The following CTNNA2 variants were observed in gnomAD, a reference collection of about 807,000 sequenced individuals.
CTNNA2 encodes catenin alpha-2.
CTNNA2 carries 42 observed loss-of-function variants against 101.0 expected under a neutral mutation model. The observed-to-expected ratio is 0.42, with a 90% CI of 0.32 to 0.54. The LOEUF (loss-of-function observed/expected upper bound fraction) is 0.54. CTNNA2 is among the 20% of genes least tolerant of loss of function. The probability of loss-of-function intolerance (pLI) is 0.14; values close to 1 mark genes in which losing one functional copy is unlikely to be tolerated. For synonymous variants in CTNNA2, 450 were observed against 456.4 expected (o/e 0.99, Z 0.18); for missense variants, 871 against 1,223.1 (o/e 0.71, Z 4.29).
At chr2:80,633,086 C>T (rs1404727123) in intron 18 of CTNNA2, among the ~76,000 whole-genome samples, 1 of 152,022 alleles carries the variant, frequency 6.6e-6, no homozygotes, top group Admixed American at 6.6e-5. Flanking sequence ...ACAAGAAATA[C>T]AGGGAATAGC....
At chr2:80,572,265 G>T (rs907887247) in intron 12 of CTNNA2, among the ~76,000 whole-genome samples, 1 of 152,106 alleles carries the variant, frequency 6.6e-6, no homozygotes, top group African/African-American at 2.4e-5. Context: ...GTCTTACTGT[G>T]TATTTATCAG....
intron 4 of CTNNA2, among the ~76,000 whole-genome samples, chr2:79,390,295 C>T (rs1360995850): frequency 6.6e-6 from 1 of 152,140 alleles, no homozygotes; most frequent in Non-Finnish European, 1.5e-5. Context: ...TATTGAATTT[C>T]ACTTATTTAT....
chr2:80,451,517 C>A (rs1683503258), intron 9 of CTNNA2, among the ~76,000 whole-genome samples: 1 of 152,132 alleles, frequency 6.6e-6, no homozygotes, highest in Admixed American at 6.6e-5. Context: ...CAGACTAATA[C>A]ACTGACCCCT....
intron 4 of CTNNA2, among the ~76,000 whole-genome samples, chr2:79,459,964 A>T (rs921648127): frequency 6.6e-6 from 1 of 152,124 alleles, no homozygotes; most frequent in African/African-American, 2.4e-5. Context: ...TTCTAGTAGA[A>T]TGTCATCTTC....
At chr2:79,664,286 G>A (rs1682243041) in intron 2 of CTNNA2, among the ~76,000 whole-genome samples, 1 of 151,986 alleles carries the variant, frequency 6.6e-6, no homozygotes, top group South Asian at 2.1e-4. Flanking sequence ...TTGACCTCTT[G>A]TTGAATGAAA....
intron 3 of CTNNA2, among the ~76,000 whole-genome samples, chr2:79,812,601 A>G (rs558645282): frequency 1.3e-5 from 2 of 152,320 alleles, no homozygotes; most frequent in South Asian, 4.1e-4. Flanking sequence ...ACCCATGCCT[A>G]CATTTCTCTA....
chr2:80,319,458 T>G (rs1678468768), intron 7 of CTNNA2, among the ~76,000 whole-genome samples: 1 of 152,238 alleles, frequency 6.6e-6, no homozygotes. Context: ...TCTTCTGTAG[T>G]TGTTGTGAAC....
Position 79,606,424 on chromosome 2 carries a change from C to G in CTNNA2, c.-5-45128C>G, listed in dbSNP as rs910526466. Reference sequence around the variant, plus strand: ...CTGGGACTACAGACACCCGCCAGCACGCCTGGCTAATTTTTTTGTATTTTT... The same window carrying G: ...CTGGGACTACAGACACCCGCCAGCAGGCCTGGCTAATTTTTTTGTATTTTT... On this transcript the variant is annotated intron_variant, in intron 1 of 18. Coordinates refer to ENST00000402739, the MANE Select transcript of CTNNA2 (RefSeq NM_001282597.3). Among the ~76,000 whole-genome samples the G allele has an allele frequency of 2.0e-5, 3 of 152,050 alleles. No individual in the cohort carries two copies. In the South Asian group the frequency reaches 6.2e-4, roughly 32 times the overall value.
intron 7 of CTNNA2, among the ~76,000 whole-genome samples, chr2:79,976,697 G>T (rs1690869649): frequency 2.0e-5 from 3 of 152,208 alleles, no homozygotes; most frequent in African/African-American, 4.8e-5. Context: ...AAAGCTTTGA[G>T]AAATTTAATA....
intron 9 of CTNNA2, among the ~76,000 whole-genome samples, chr2:80,431,439 A>G (rs1053220242): frequency 2.0e-5 from 3 of 152,176 alleles, no homozygotes; most frequent in Non-Finnish European, 2.9e-5. Flanking sequence ...GGTGCCGCCT[A>G]TCTTTGATAT....
chr2:79,561,321 C>T (rs1169878993), intron 1 of CTNNA2, among the ~76,000 whole-genome samples: 1 of 151,866 alleles, frequency 6.6e-6, no homozygotes, highest in African/African-American at 2.4e-5. Flanking sequence ...TTTATCCATT[C>T]ATCCCTTGAT....
rs185889759 is a variant in CTNNA2, at chr2:80,541,912, G to C, written c.1291-3070G>C. Among the ~76,000 whole-genome samples, 205 of 149,548 alleles carry C rather than the reference G, an allele frequency of 1.4e-3. 11 individuals carry two copies. The highest frequency in any genetic ancestry group is 3.7e-4 in the Non-Finnish European group (25 of 67,554). ...CTAAATGTTTTTTAATATGGAAAAT[G>C]CTAAGCATATCCCAAAGTAAAGAAT... On this transcript the variant is annotated intron_variant, in intron 9 of 18. Coordinates refer to ENST00000402739, the MANE Select transcript of CTNNA2 (RefSeq NM_001282597.3).
At chr2:80,103,137 C>T (rs1176267003) in intron 7 of CTNNA2, among the ~76,000 whole-genome samples, 2 of 152,102 alleles carry the variant, frequency 1.3e-5, no homozygotes, top group African/African-American at 4.8e-5. Context: ...CTTTATTAGT[C>T]CACTCCAGCC....
chr2:80,614,149 T>C (rs570065399), intron 17 of CTNNA2, among the ~76,000 whole-genome samples: 1 of 151,622 alleles, frequency 6.6e-6, no homozygotes, highest in African/African-American at 2.4e-5. Flanking sequence ...TTAGCAGTAA[T>C]ACTTTTTGAA....
At chr2:79,371,180 T>G (rs987269891) in intron 3 of CTNNA2, among the ~76,000 whole-genome samples, 3 of 152,006 alleles carry the variant, frequency 2.0e-5, no homozygotes, top group Non-Finnish European at 4.4e-5. Flanking sequence ...GGGACTTTTA[T>G]TAGACAATAC....
intron 9 of CTNNA2, among the ~76,000 whole-genome samples, chr2:80,446,974 C>T (rs926101448): frequency 2.6e-5 from 4 of 151,998 alleles, no homozygotes; most frequent in East Asian, 1.9e-4. Flanking sequence ...CATTTCTTAA[C>T]GTGCACTCCA....
chr2:79,384,902 G>A (rs1264060821), intron 4 of CTNNA2, among the ~76,000 whole-genome samples: 1 of 152,062 alleles, frequency 6.6e-6, no homozygotes, highest in South Asian at 2.1e-4. Flanking sequence ...ACATTAAAAG[G>A]CATTTGTTGT....
At chr2:79,570,513 C>G (rs528915887) in intron 1 of CTNNA2, among the ~76,000 whole-genome samples, 1 of 151,920 alleles carries the variant, frequency 6.6e-6, no homozygotes, top group Non-Finnish European at 1.5e-5. Flanking sequence ...TGAAATTTGC[C>G]GATTGTAACC....
intron 6 of CTNNA2, among the ~76,000 whole-genome samples, chr2:79,906,250 C>T (rs1488505829): frequency 6.6e-6 from 1 of 151,952 alleles, no homozygotes; most frequent in Non-Finnish European, 1.5e-5. Flanking sequence ...CACATACACA[C>T]ACAGCTCCAC....
Sources: allele counts gnomAD v4.1 joint callset (sites outside exome capture counted in the v4.1 genomes callset), GRCh38; gene constraint gnomAD v4.1.1; transcripts MANE v1.5; gene names NCBI Gene and HGNC (gene_info 2026-07-23, HGNC 2026-07-21).